The following PTPRO variants were observed in gnomAD, a reference collection of about 807,000 sequenced individuals.
PTPRO encodes protein tyrosine phosphatase receptor type O.
Under a neutral mutation model 145.2 loss-of-function variants are expected in PTPRO, and 62 were observed. That is an observed-to-expected ratio of 0.43 (90% CI 0.35 to 0.53). The LOEUF (loss-of-function observed/expected upper bound fraction) is 0.53. Among genes scored for constraint, PTPRO ranks in the 20% least tolerant of loss-of-function variants. The probability of loss-of-function intolerance (pLI) is 0.01; values close to 1 mark genes in which losing one functional copy is unlikely to be tolerated. For missense variants in PTPRO, 1,345 were observed against 1,482.7 expected (o/e 0.91, Z 1.53); for synonymous variants, 565 against 514.7 (o/e 1.10, Z -1.32).
intron 1 of PTPRO, among the ~76,000 whole-genome samples, chr12:15,363,836 A>T (rs968463254): frequency 3.3e-5 from 5 of 152,176 alleles, no homozygotes; most frequent in Non-Finnish European, 7.4e-5. Context: ...ATCTACGCTG[A>T]CATAATCTTC....
At chr12:15,353,754 G>A (rs529009693) in intron 1 of PTPRO, among the ~76,000 whole-genome samples, 3 of 152,260 alleles carry the variant, frequency 2.0e-5, no homozygotes, top group African/African-American at 7.2e-5. Context: ...CCAAAAAATT[G>A]TTGCCATGAC....
intron 1 of PTPRO, among the ~76,000 whole-genome samples, chr12:15,462,107 T>A (rs577501066): frequency 6.6e-6 from 1 of 152,206 alleles, no homozygotes; most frequent in East Asian, 1.9e-4. Flanking sequence ...ACCAGCCTCT[T>A]TACTTAGCTT....
chr12:15,518,270 C>T (rs1430077164), intron 9 of PTPRO, among the ~76,000 whole-genome samples: 1 of 152,200 alleles, frequency 6.6e-6, no homozygotes, highest in Non-Finnish European at 1.5e-5. Context: ...TCTACGTTGG[C>T]CCCTTTCACC....
intron 1 of PTPRO, among the ~76,000 whole-genome samples, chr12:15,442,441 A>G (rs926625513): frequency 1.3e-5 from 2 of 152,186 alleles, no homozygotes; most frequent in African/African-American, 4.8e-5. Flanking sequence ...GGAACAAAAC[A>G]AGGATGCCCA....
chr12:15,449,488 G>A (rs553581013), intron 1 of PTPRO, among the ~76,000 whole-genome samples: 31 of 152,292 alleles, frequency 2.0e-4, no homozygotes, highest in African/African-American at 2.6e-4. Context: ...GCAAACTTGT[G>A]GTTATATAGG....
intron 1 of PTPRO, among the ~76,000 whole-genome samples, chr12:15,423,535 T>A (rs1006781836): frequency 1.3e-5 from 2 of 152,174 alleles, no homozygotes; most frequent in Non-Finnish European, 2.9e-5. Context: ...ACTTACATAT[T>A]TTGTGATAAT....
At position 15,574,234 on chromosome 12, in the gene PTPRO, T is replaced by C. The variant is rs182380058; in HGVS notation, c.2830-4619T>C. 5.0e-4 allele frequency among the ~76,000 whole-genome samples: 76 copies of C among 152,358 alleles called. 1 individual carries two copies. Among genetic ancestry groups the C allele is most frequent in the Non-Finnish European group, 1.0e-4 (7 of 68,038 alleles). On this transcript the variant is annotated intron_variant, in intron 19 of 26. Coordinates refer to ENST00000281171, the MANE Select transcript of PTPRO (RefSeq NM_030667.3). ...TTTTTACTCTGAATCTGATTTTAAA[T>C]CTGCTAGAAAGATTGATTATCCTTC... is the stretch of plus-strand genomic sequence containing the variant.
intron 25 of PTPRO, among the ~76,000 whole-genome samples, chr12:15,591,018 A>G (rs964986077): frequency 2.0e-5 from 3 of 152,128 alleles, no homozygotes; most frequent in Admixed American, 6.5e-5. Flanking sequence ...TATTTTAAGT[A>G]TTTTGCATTT....
At chr12:15,367,395 A>G (rs893606535) in intron 1 of PTPRO, among the ~76,000 whole-genome samples, 1 of 152,230 alleles carries the variant, frequency 6.6e-6, no homozygotes, top group African/African-American at 2.4e-5. Flanking sequence ...AATGTGAGCA[A>G]AATTTCAGAT....
intron 1 of PTPRO, among the ~76,000 whole-genome samples, chr12:15,422,085 C>T (rs1940162403): frequency 6.6e-6 from 1 of 151,280 alleles, no homozygotes; most frequent in African/African-American, 2.4e-5. Context: ...CATGGAATTG[C>T]TAAATGAAAC....
At chr12:15,330,091 C>T (rs764150482) in intron 1 of PTPRO, among the ~76,000 whole-genome samples, 2 of 152,146 alleles carry the variant, frequency 1.3e-5, no homozygotes, top group Non-Finnish European at 2.9e-5. Context: ...GGGAAGAGGC[C>T]TTATCGAAGG....
chr12:15,497,474 C>A, intron 3 of PTPRO, 71 bp downstream of exon 3: 1 of 1,468,240 alleles, frequency 6.8e-7, no homozygotes. Context: ...AAATGATGTT[C>A]TCTCTTACTG....
At chr12:15,469,507 C>A (rs1357564358) in intron 1 of PTPRO, among the ~76,000 whole-genome samples, 1 of 152,118 alleles carries the variant, frequency 6.6e-6, no homozygotes, top group Non-Finnish European at 1.5e-5. Flanking sequence ...CAGTCAGACA[C>A]CAGCCAAGCA....
intron 1 of PTPRO, among the ~76,000 whole-genome samples, chr12:15,462,901 G>T (rs1941337098): frequency 6.6e-6 from 1 of 152,092 alleles, no homozygotes; most frequent in Admixed American, 6.5e-5. Context: ...ACTTAAAAAT[G>T]TAGATGCATT....
At chr12:15,415,232 C>A (rs202197844) in intron 1 of PTPRO, among the ~76,000 whole-genome samples, 63 of 152,082 alleles carry the variant, frequency 4.1e-4, no homozygotes, top group African/African-American at 1.4e-3. Flanking sequence ...ACCTCCCCCC[C>A]AAAAAAAGAA....
intron 12 of PTPRO, among the ~76,000 whole-genome samples, chr12:15,528,569 A>G (rs762509076): frequency 1.2e-4 from 18 of 151,884 alleles, no homozygotes; most frequent in Non-Finnish European, 1.8e-4. Context: ...CAAACATAAG[A>G]ATTATTAGTA....
chr12:15,403,467 C>T (rs748084984), intron 1 of PTPRO, among the ~76,000 whole-genome samples: 15 of 152,120 alleles, frequency 9.9e-5, no homozygotes, highest in African/African-American at 3.6e-4. Context: ...CCTGTAGTCC[C>T]AGATACTCTG....
chr12:15,489,755 C>T (rs1941961937), intron 2 of PTPRO, among the ~76,000 whole-genome samples: 1 of 152,080 alleles, frequency 6.6e-6, no homozygotes, highest in Non-Finnish European at 1.5e-5. Flanking sequence ...ATGGGGTTGC[C>T]CTGTTCAAAT....
intron 1 of PTPRO, among the ~76,000 whole-genome samples, chr12:15,466,029 C>G (rs1434856925): frequency 6.6e-6 from 1 of 152,064 alleles, no homozygotes; most frequent in Non-Finnish European, 1.5e-5. Context: ...ATGATCATCA[C>G]AAAAGTATGG....
Sources: allele counts gnomAD v4.1 joint callset (sites outside exome capture counted in the v4.1 genomes callset), GRCh38; gene constraint gnomAD v4.1.1; transcripts MANE v1.5; gene names NCBI Gene and HGNC (gene_info 2026-07-23, HGNC 2026-07-21).